MED12L: variants seen among roughly 807,000 people sequenced by gnomAD.
MED12L encodes the protein mediator complex subunit 12L, also known as mediator of RNA polymerase II transcription subunit 12-like protein.
In MED12L, 60 loss-of-function variants were observed where a neutral mutation model predicts 281.3. The observed-to-expected ratio is 0.21, with a 90% confidence interval of 0.17 to 0.26. The LOEUF (loss-of-function observed/expected upper bound fraction) is 0.26, where lower values mean the gene tolerates loss of function less well. Ranked by LOEUF, MED12L falls within the 10% of genes least tolerant of loss-of-function variation. The pLI is 1.00. For missense variants in MED12L, 2,146 were observed against 2,680.9 expected, an observed-to-expected ratio of 0.80 and a Z score of 4.41; for synonymous variants, 974 against 987.2, an observed-to-expected ratio of 0.99 and a Z score of 0.25.
chr3:151,326,139 A>T lies in MED12L; in HGVS notation c.2251-23920A>T, dbSNP rs1308254228. ...GATCCTCCTGTTGTCATGATCATTC[A>T]CTAGTGACCCCAGGAGCACCACAAT... On this transcript the variant is annotated intron_variant, in intron 16 of 44. Transcript: ENST00000687756. Among the ~76,000 whole-genome samples, 3 of 152,204 alleles carry T rather than the reference A, an allele frequency of 2.0e-5. No homozygotes were observed. The South Asian group carries it at 6.2e-4, about 32-fold the overall frequency.
chr3:151,306,399 C>G (rs1003711440), intron 16 of MED12L, among the ~76,000 whole-genome samples: 1 of 152,110 alleles, frequency 6.6e-6, no homozygotes, highest in Non-Finnish European at 1.5e-5. Context: ...AAGTGAAAAC[C>G]CTACTGATTG....
At chr3:151,319,047 A>G (rs1307911230) in intron 16 of MED12L, among the ~76,000 whole-genome samples, 1 of 152,158 alleles carries the variant, frequency 6.6e-6, no homozygotes, top group East Asian at 1.9e-4. Flanking sequence ...CAAATTTAGT[A>G]TAGTAACAAA....
intron 5 of MED12L, among the ~76,000 whole-genome samples, chr3:151,144,118 G>A (rs948338382): frequency 3.3e-5 from 5 of 151,900 alleles, no homozygotes; most frequent in Admixed American, 2.0e-4. Context: ...GGAAGCCCCC[G>A]AAACTGTAGC....
chr3:151,399,693 C>A (rs1026439451), intron 39 of MED12L, among the ~76,000 whole-genome samples: 1 of 152,062 alleles, frequency 6.6e-6, no homozygotes, highest in African/African-American at 2.4e-5. Flanking sequence ...AATTATTTTC[C>A]ACTCATTCCT....
At chr3:151,118,793 A>G (rs1713280112) in intron 3 of MED12L, among the ~76,000 whole-genome samples, 3 of 152,078 alleles carry the variant, frequency 2.0e-5, no homozygotes, top group Non-Finnish European at 4.4e-5. Context: ...TTTCAGGTTC[A>G]AGCCATTCTT....
intron 2 of MED12L, among the ~76,000 whole-genome samples, chr3:151,097,857 G>A (rs1025795812): frequency 3.9e-5 from 6 of 152,190 alleles, no homozygotes; most frequent in African/African-American, 1.4e-4. Context: ...GGGAGTGATG[G>A]ACTTGTAAAT....
At chr3:151,204,815 T>C (rs1212913318) in intron 16 of MED12L, among the ~76,000 whole-genome samples, 5 of 152,156 alleles carry the variant, frequency 3.3e-5, no homozygotes, top group Non-Finnish European at 1.5e-5. Flanking sequence ...TTGCTTTTTT[T>C]AGTTAGGTCT....
At position 151,223,511 on chromosome 3, in the gene MED12L, T is replaced by C. The variant is rs141868349; in HGVS notation, c.2250+29845T>C. 9.8e-5 allele frequency among the ~76,000 whole-genome samples: 15 copies of C among 152,308 alleles called. No individual in the cohort carries two copies. The East Asian group carries it at 2.7e-3, about 27-fold the overall frequency. ...TACACTGTGGAATACTATGCAGCCA[T>C]ACAAAAGAAATCATGTCCTTTGCAG... is the stretch of plus-strand genomic sequence containing the variant. On this transcript the variant is annotated intron_variant, in intron 16 of 44. Coordinates refer to ENST00000687756, the MANE Select transcript of MED12L (RefSeq NM_001393769.1).
At chr3:151,113,467 T>C (rs1712235815) in intron 2 of MED12L, among the ~76,000 whole-genome samples, 1 of 152,164 alleles carries the variant, frequency 6.6e-6, no homozygotes, top group Non-Finnish European at 1.5e-5. Flanking sequence ...AGGAGTGACA[T>C]GGTCTCACTT....
chr3:151,411,498 G>T lies in MED12L; in HGVS notation c.6131G>T (p.Gly2044Val), dbSNP rs1716932084. Residue 2044 changes from glycine to valine, a missense_variant, in exon 41 of 45, where the codon GGC (glycine) becomes GTC (valine). Physicochemically the swap from Gly to Val is moderately radical, Grantham distance 109. This residue lies in a region of MED12L where 496 missense variants were observed against 512.0 expected (regional missense o/e 0.97). Transcript: ENST00000687756. ...TCGCCGTACCTGCAGCCCCTGACTG[G>T]CTCTCAGAGGTGATACATGTGGAAA... ...QASPYLQPLT[G>V]SQRLNHQALQ... 1 of 1,613,946 alleles carries T rather than the reference G, an allele frequency of 6.2e-7. No homozygotes were observed. The highest frequency in any genetic ancestry group is 1.3e-5 in the African/African-American group (1 of 74,922).
chr3:151,239,219 G>A (rs1733579540), intron 16 of MED12L, among the ~76,000 whole-genome samples: 1 of 152,162 alleles, frequency 6.6e-6, no homozygotes, highest in South Asian at 2.1e-4. Flanking sequence ...TTGGGCATAA[G>A]TAAAACACAT....
rs35742538 is a variant in MED12L at position 151,292,288 on chromosome 3, C to CTTTTTTTTTTTTTT, written c.2251-57767_2251-57754dup. Among the ~76,000 whole-genome samples, 83 of 139,842 alleles carry CTTTTTTTTTTTTTT rather than the reference C, an allele frequency of 5.9e-4. 1 individual carries two copies. The highest frequency in any genetic ancestry group is 2.0e-3 in the African/African-American group (73 of 36,664). 91.7% of individuals were successfully genotyped at this position (139,842 alleles called of 152,430 possible). A position where few individuals can be genotyped will look rare whatever the true frequency, so the allele number is the denominator to read the frequency against. ...TATTTTCCCAGCAATAATATTGCTCCTTTTTTTTTTTTTTTTTGGATGGAG... is the reference window on the plus strand; with the variant it reads ...TATTTTCCCAGCAATAATATTGCTCCTTTTTTTTTTTTTTTTTTTTTTTTTTTTTTTGGATGGAG... On this transcript the variant is annotated intron_variant, in intron 16 of 44. Coordinates refer to ENST00000687756, the MANE Select transcript of MED12L (RefSeq NM_001393769.1).
chr3:151,412,683 C>T (rs1299294850), intron 41 of MED12L, among the ~76,000 whole-genome samples: 1 of 152,132 alleles, frequency 6.6e-6, no homozygotes, highest in Non-Finnish European at 1.5e-5. Flanking sequence ...TTTCAAAGCC[C>T]AAAAGTTCTG....
At chr3:151,228,231 G>A (rs1209193259) in intron 16 of MED12L, among the ~76,000 whole-genome samples, 1 of 152,168 alleles carries the variant, frequency 6.6e-6, no homozygotes, top group Non-Finnish European at 1.5e-5. Flanking sequence ...TTGGCTACAT[G>A]TATGGCGCTA....
intron 20 of MED12L, 89 bp downstream of exon 20, chr3:151,357,465 G>A (rs2150060669): frequency 1.7e-6 from 2 of 1,169,628 alleles, no homozygotes; most frequent in African/African-American, 1.5e-5. Flanking sequence ...AAGAAAAATA[G>A]TACTGATACC....
intron 20 of MED12L, 71 bp from the exon 21 acceptor site, chr3:151,360,403 C>T (rs1393526544): frequency 2.9e-5 from 41 of 1,416,926 alleles, no homozygotes; most frequent in Admixed American, 2.0e-4. Flanking sequence ...TATTTTCATT[C>T]TAAAAGAGTC....
intron 16 of MED12L, among the ~76,000 whole-genome samples, chr3:151,290,222 T>C: frequency 6.6e-6 from 1 of 152,220 alleles, no homozygotes; most frequent in Non-Finnish European, 1.5e-5. Flanking sequence ...TTGGCCAGTT[T>C]ACTTTTATTA....
At chr3:151,202,663 C>T (rs1250998311) in intron 16 of MED12L, among the ~76,000 whole-genome samples, 1 of 152,138 alleles carries the variant, frequency 6.6e-6, no homozygotes, top group Non-Finnish European at 1.5e-5. Context: ...AAGCGAGACT[C>T]CTCAAAAACA....
chr3:151,240,916 G>T (rs1343850393), intron 16 of MED12L, among the ~76,000 whole-genome samples: 2 of 152,174 alleles, frequency 1.3e-5, no homozygotes, highest in Non-Finnish European at 2.9e-5. Flanking sequence ...GTGTCATCTT[G>T]CCTGAATCAC....
Sources: allele counts gnomAD v4.1 joint callset (sites outside exome capture counted in the v4.1 genomes callset), GRCh38; gene constraint gnomAD v4.1.1; regional missense constraint gnomAD v4.1.1; transcripts MANE v1.5; gene names NCBI Gene and HGNC (gene_info 2026-07-23, HGNC 2026-07-21).